Variants in GRIN2B observed in about 807,000 individuals in gnomAD.
GRIN2B encodes glutamate receptor ionotropic, NMDA 2B.
GRIN2B carries 5 observed loss-of-function variants against 114.5 expected under a neutral mutation model. That is an observed-to-expected ratio of 0.04 (90% CI 0.02 to 0.09). GRIN2B has a LOEUF of 0.09. GRIN2B is among the 10% of genes least tolerant of loss of function. GRIN2B has a pLI of 1.00. For synonymous variants in GRIN2B, 787 were observed against 745.1 expected (o/e 1.06, Z -0.92); for missense variants, 1,108 against 1,943.5 (o/e 0.57, Z 8.08).
In GRIN2B at chr12:13,977,876, T is replaced by C. The variant is rs893823646; in HGVS notation, c.-19+2052A>G. On this transcript the variant is annotated intron_variant, in intron 2 of 13. Coordinates refer to ENST00000609686, the MANE Select transcript of GRIN2B (RefSeq NM_000834.5). ...CTCTTCCAGTTGGATTACCTCTCCT[T>C]TCCCTTTATAGCTTCCCCACCCACT... 4.6e-5 allele frequency among the ~76,000 whole-genome samples: 7 copies of C among 152,186 alleles called. No individual in the cohort carries two copies. In the East Asian group the frequency reaches 1.3e-3, roughly 29 times the overall value.
chr12:13,573,279 G>A (rs1285816797), intron 10 of GRIN2B, among the ~76,000 whole-genome samples: 1 of 148,848 alleles, frequency 6.7e-6, no homozygotes, highest in African/African-American at 2.5e-5. Context: ...GTGAAACCCC[G>A]TCTCTACTAA....
intron 3 of GRIN2B, among the ~76,000 whole-genome samples, chr12:13,842,992 GTTTT>G (rs530108457): frequency 3.4e-5 from 2 of 58,762 alleles, no homozygotes; most frequent in Non-Finnish European, 7.8e-5. Context: ...GCGGTGTTTT[GTTTT>G]TTTTTAATTT....
chr12:13,922,259 T>C (rs1299978849), intron 2 of GRIN2B, among the ~76,000 whole-genome samples: 1 of 152,204 alleles, frequency 6.6e-6, no homozygotes, highest in Non-Finnish European at 1.5e-5. Flanking sequence ...ATTTGAGACA[T>C]GGTGTCTCCA....
chr12:13,788,952 C>G (rs904514011), intron 3 of GRIN2B, among the ~76,000 whole-genome samples: 2 of 152,172 alleles, frequency 1.3e-5, no homozygotes, highest in African/African-American at 4.8e-5. Context: ...AAAGCTCCGG[C>G]AAATGTCGAA....
In GRIN2B at chr12:13,806,544, G is replaced by C. The variant is rs140248960; in HGVS notation, c.412-52629C>G. Among the ~76,000 whole-genome samples the C allele has an allele frequency of 1.2e-3, 186 of 152,010 alleles. 1 individual carries two copies. Among genetic ancestry groups the C allele is most frequent in the African/African-American group, 4.4e-3 (181 of 41,482 alleles). On this transcript the variant is annotated intron_variant, in intron 3 of 13. Coordinates refer to ENST00000609686, the MANE Select transcript of GRIN2B (RefSeq NM_000834.5). ...CTTCCTTTGAGAAATGTCTTTTTGG[G>C]TCTGTTGCCCATTTTAAGTCAGGTT...
intron 3 of GRIN2B, among the ~76,000 whole-genome samples, chr12:13,852,173 C>A (rs1413800609): frequency 6.6e-6 from 1 of 152,198 alleles, no homozygotes; most frequent in Admixed American, 6.5e-5. Context: ...TGGCTGGCTG[C>A]ACCATTGTGC....
chr12:13,712,300 G>A (rs918151401), intron 4 of GRIN2B, among the ~76,000 whole-genome samples: 23 of 151,558 alleles, frequency 1.5e-4, no homozygotes, highest in Non-Finnish European at 2.8e-4. Flanking sequence ...TAATGAGTGC[G>A]GCACACCAAC....
intron 2 of GRIN2B, among the ~76,000 whole-genome samples, chr12:13,873,223 C>A (rs905971115): frequency 3.3e-5 from 5 of 152,120 alleles, no homozygotes; most frequent in Non-Finnish European, 7.3e-5. Flanking sequence ...AGAAGCAGGG[C>A]AAATGTTGAA....
At chr12:13,695,563 T>A (rs527985036) in intron 4 of GRIN2B, among the ~76,000 whole-genome samples, 1 of 151,852 alleles carries the variant, frequency 6.6e-6, no homozygotes, top group Non-Finnish European at 1.5e-5. Flanking sequence ...ATGGGAATGA[T>A]GAAGGTATAG....
chr12:13,713,079 ATAGGCAG>A (rs1950427872), intron 4 of GRIN2B, among the ~76,000 whole-genome samples: 1 of 151,954 alleles, frequency 6.6e-6, no homozygotes, highest in African/African-American at 2.4e-5. Flanking sequence ...GAATTAAAAT[ATAGGCAG>A]GATAGAAGTA....
intron 5 of GRIN2B, among the ~76,000 whole-genome samples, chr12:13,635,956 C>A (rs756695209): frequency 9.9e-5 from 15 of 151,978 alleles, no homozygotes; most frequent in Non-Finnish European, 1.8e-4. Flanking sequence ...TAGTCCCTGC[C>A]CTCCAGAACA....
At chr12:13,866,255 A>C in intron 2 of GRIN2B, 29 bp from the exon 3 acceptor site, 1 of 1,586,266 alleles carries the variant, frequency 6.3e-7, no homozygotes, top group Middle Eastern at 1.7e-4. Context: ...AGCATGTTAA[A>C]ATAGGATCTA....
At position 13,866,020 on chromosome 12, in the gene GRIN2B, G is replaced by T. The variant is rs199707487; in HGVS notation, c.189C>A (p.Ser63=). ...AHEKDDFHHL[S]VVPRVELVAM... ...CTACCAGTTCCACCCGGGGTACCAC[G>T]GAGAGATGGTGGAAATCATCTTTCT... Residue 63 remains serine, a synonymous_variant, in exon 3 of 14, where the codon TCC becomes TCA. Transcript: ENST00000609686. 10 of 1,613,996 alleles carry T rather than the reference G, an allele frequency of 6.2e-6. No individual in the cohort carries two copies. The highest frequency in any genetic ancestry group is 1.6e-4 in the Middle Eastern group (1 of 6,062).
rs1279477004 is a variant in GRIN2B, at chr12:13,539,210, C to G, written c.*23573G>C. 6.6e-6 allele frequency: 1 copy of G among 152,228 alleles called. No homozygotes were observed. The highest frequency in any genetic ancestry group is 2.4e-5 in the African/African-American group (1 of 41,454). The allele number at this position is 152,228 out of a possible 1,614,324, so 9.4% of individuals were successfully genotyped here. On this transcript the variant is annotated 3_prime_UTR_variant, in exon 14 of 14. Transcript: ENST00000609686. ...ACATTATCCTGGGAGATTCCTGGAA[C>G]TAGGGATTAGCCCTGCTGGCTTCTA... is the stretch of plus-strand genomic sequence containing the variant.
intron 3 of GRIN2B, among the ~76,000 whole-genome samples, chr12:13,842,143 G>A (rs1865390242): frequency 6.6e-6 from 1 of 152,120 alleles, no homozygotes; most frequent in African/African-American, 2.4e-5. Flanking sequence ...GGACATCAGG[G>A]AGCTTCGTAT....
At chr12:13,912,133 C>A (rs1013650996) in intron 2 of GRIN2B, among the ~76,000 whole-genome samples, 5 of 152,076 alleles carry the variant, frequency 3.3e-5, no homozygotes, top group Non-Finnish European at 5.9e-5. Context: ...GTGCTTCCCA[C>A]CCCAGGAAGC....
rs984279469 is a variant in GRIN2B at position 13,557,897 on chromosome 12, A to T, written c.*4886T>A. ...TTAATATGTCACCTTTCCTGGGATT[A>T]CTTTCATTCGAATGACAGACAGCTC... On this transcript the variant is annotated 3_prime_UTR_variant, in exon 14 of 14. Transcript: ENST00000609686. The T allele has an allele frequency of 1.3e-5, 2 of 152,202 alleles. No homozygotes were observed. The highest frequency in any genetic ancestry group is 4.8e-5 in the African/African-American group (2 of 41,456). 9.4% of individuals were successfully genotyped at this position (152,202 alleles called of 1,614,324 possible). A position where few individuals can be genotyped will look rare whatever the true frequency, so the allele number is the denominator to read the frequency against.
At chr12:13,646,566 A>G (rs1176456655) in intron 5 of GRIN2B, among the ~76,000 whole-genome samples, 1 of 152,148 alleles carries the variant, frequency 6.6e-6, no homozygotes, top group Non-Finnish European at 1.5e-5. Context: ...TTTTAATCGC[A>G]AAGGTGATAT....
intron 10 of GRIN2B, among the ~76,000 whole-genome samples, chr12:13,591,757 A>AT (rs1055278958): frequency 2.6e-5 from 4 of 152,186 alleles, no homozygotes; most frequent in African/African-American, 9.7e-5. Flanking sequence ...AAAAGAACAC[A>AT]TAATACAAAG....
Sources: allele counts gnomAD v4.1 joint callset (sites outside exome capture counted in the v4.1 genomes callset), GRCh38; gene constraint gnomAD v4.1.1; transcripts MANE v1.5; gene names NCBI Gene and HGNC (gene_info 2026-07-23, HGNC 2026-07-21).